Variants in MBNL2 observed in about 807,000 individuals in gnomAD.
MBNL2 encodes the protein muscleblind-like protein 2.
MBNL2 carries 17 observed loss-of-function variants against 41.9 expected under a neutral mutation model. That is an observed-to-expected ratio of 0.41 (90% CI 0.28 to 0.61). The LOEUF (loss-of-function observed/expected upper bound fraction) is 0.61, where lower values mean the gene tolerates loss of function less well. Ranked by LOEUF, MBNL2 falls within the 20% of genes least tolerant of loss-of-function variation. The pLI is 0.35. For missense variants in MBNL2, 336 were observed against 505.6 expected (o/e 0.66, Z 3.22); for synonymous variants, 195 against 182.9 (o/e 1.07, Z -0.53).
In MBNL2 at chr13:97,346,848, C is replaced by G; in HGVS notation, c.585C>G (p.Thr195=). ...GAGGAAACTGTGCCCGGGGAGAGAC[C>G]GACTGCCGCTTTGCACACCCCGCAG... The part of the protein sequence containing the change: ...FQRGNCARGE[T]DCRFAHPADS... Residue 195 remains threonine (T), a synonymous_variant, in exon 5 of 9, where the codon ACC becomes ACG. Transcript: ENST00000679496. This position sits in a 1 kb window ranked among gnomAD's most constrained non-coding sequence, Gnocchi z 4.2. 1 of 1,613,988 alleles carries G rather than the reference C, an allele frequency of 6.2e-7. No individual in the cohort carries two copies. The highest frequency in any genetic ancestry group is 8.5e-7 in the Non-Finnish European group (1 of 1,179,884).
At chr13:97,204,610 T>C in the MBNL2 span, among the ~76,000 whole-genome samples, 1 of 152,188 alleles carries the variant, frequency 6.6e-6, no homozygotes, top group Non-Finnish European at 1.5e-5. Context: ...AACTATACTT[T>C]CTTAAGAATC....
upstream of MBNL2, among the ~76,000 whole-genome samples, chr13:97,216,887 T>A (rs2040416292): frequency 6.6e-6 from 1 of 151,094 alleles, no homozygotes; most frequent in South Asian, 2.1e-4. Context: ...ATTACATATG[T>A]AGTATATTTA....
At chr13:97,177,219 G>C in the MBNL2 span, among the ~76,000 whole-genome samples, 1 of 152,018 alleles carries the variant, frequency 6.6e-6, no homozygotes, top group Non-Finnish European at 1.5e-5. Context: ...TGTGCCTGTA[G>C]TCCCAGCTAC....
At chr13:97,229,313 G>C (rs1435229455) in intron 1 of MBNL2, among the ~76,000 whole-genome samples, 5 of 151,758 alleles carry the variant, frequency 3.3e-5, no homozygotes, top group African/African-American at 1.2e-4. Context: ...CTCTGGGTCT[G>C]AATGGATGTA....
intron 1 of MBNL2, among the ~76,000 whole-genome samples, chr13:97,232,096 A>T (rs72632674): frequency 3.7e-5 from 2 of 54,694 alleles, no homozygotes; most frequent in South Asian, 7.0e-4. Flanking sequence ...ATAGAAACGA[A>T]GACATTATGA....
chr13:97,277,788 A>G (rs1190491364), intron 2 of MBNL2, among the ~76,000 whole-genome samples: 1 of 152,222 alleles, frequency 6.6e-6, no homozygotes, highest in Non-Finnish European at 1.5e-5. Flanking sequence ...AGACTTTAAA[A>G]TGATGAATTG....
the MBNL2 span, among the ~76,000 whole-genome samples, chr13:97,209,939 GTGTGCATCA>G: frequency 6.6e-6 from 1 of 152,172 alleles, no homozygotes. Context: ...GGGATTACAG[GTGTGCATCA>G]CCATGCCTGT....
intron 1 of MBNL2, among the ~76,000 whole-genome samples, chr13:97,242,906 CTGGTGGA>C (rs1337995280): frequency 2.0e-5 from 3 of 152,124 alleles, no homozygotes; most frequent in Admixed American, 6.5e-5. Context: ...GAAATTGGTG[CTGGTGGA>C]AGGAAAATGA....
chr13:97,267,702 A>G (rs982496256), intron 1 of MBNL2, among the ~76,000 whole-genome samples: 30 of 152,190 alleles, frequency 2.0e-4, no homozygotes, highest in Admixed American at 6.5e-5. Context: ...TTCTCACAGA[A>G]GGAAGTCTTA....
the MBNL2 span, among the ~76,000 whole-genome samples, chr13:97,186,224 T>C: frequency 6.6e-6 from 1 of 152,208 alleles, no homozygotes; most frequent in Non-Finnish European, 1.5e-5. Context: ...CCATACTTAT[T>C]AGGCATGCTA....
intron 8 of MBNL2, among the ~76,000 whole-genome samples, chr13:97,383,297 A>G (rs2065642901): frequency 6.6e-6 from 1 of 152,240 alleles, no homozygotes; most frequent in Non-Finnish European, 1.5e-5. Context: ...TACATGTGAC[A>G]TGGACTCATG....
At chr13:97,186,077 G>GTC in the MBNL2 span, among the ~76,000 whole-genome samples, 1 of 152,156 alleles carries the variant, frequency 6.6e-6, no homozygotes, top group African/African-American at 2.4e-5. Context: ...CTCAGCCCTT[G>GTC]TCTCTTCAAT....
intron 1 of MBNL2, among the ~76,000 whole-genome samples, chr13:97,229,010 G>A (rs1397478345): frequency 6.6e-6 from 1 of 151,462 alleles, no homozygotes; most frequent in African/African-American, 2.4e-5. Flanking sequence ...TTAAACTTCA[G>A]TCTGACTTGG....
chr13:97,329,849 T>A (rs1426805480), intron 2 of MBNL2, among the ~76,000 whole-genome samples: 2 of 136,228 alleles, frequency 1.5e-5, no homozygotes, highest in Non-Finnish European at 3.1e-5. Context: ...ACACACACAC[T>A]TTGACCACCA....
At chr13:97,170,224 C>T in the MBNL2 span, among the ~76,000 whole-genome samples, 1 of 152,152 alleles carries the variant, frequency 6.6e-6, no homozygotes, top group Non-Finnish European at 1.5e-5. Flanking sequence ...ATATGTAAAG[C>T]ATGTGTATAT....
chr13:97,144,688 C>T, the MBNL2 span, among the ~76,000 whole-genome samples: 3 of 152,124 alleles, frequency 2.0e-5, no homozygotes, highest in African/African-American at 2.4e-5. Flanking sequence ...CCACCTCAGC[C>T]TCCCAAAGTG....
the MBNL2 span, among the ~76,000 whole-genome samples, chr13:97,206,023 A>C: frequency 4.6e-5 from 7 of 152,192 alleles, no homozygotes; most frequent in South Asian, 1.4e-3. Flanking sequence ...ATAAAAAATG[A>C]GTTATTTTTG....
At chr13:97,356,586 A>T (rs899332102) in intron 5 of MBNL2, among the ~76,000 whole-genome samples, 1 of 152,194 alleles carries the variant, frequency 6.6e-6, no homozygotes, top group African/African-American at 2.4e-5. Context: ...AAGGTGTAAT[A>T]TTCATTTCTT....
At chr13:97,215,293 T>C in the MBNL2 span, among the ~76,000 whole-genome samples, 1 of 152,220 alleles carries the variant, frequency 6.6e-6, no homozygotes, top group African/African-American at 2.4e-5. Flanking sequence ...AACCATGCTC[T>C]CAGGCACCCT....
Sources: allele counts gnomAD v4.1 joint callset (sites outside exome capture counted in the v4.1 genomes callset), GRCh38; gene constraint gnomAD v4.1.1; non-coding constraint Gnocchi (gnomAD v3.1); transcripts MANE v1.5; gene names NCBI Gene and HGNC (gene_info 2026-07-23, HGNC 2026-07-21).